Variants in OR9Q1 observed in about 807,000 individuals in gnomAD.
The protein encoded by OR9Q1 is olfactory receptor family 9 subfamily Q member 1.
For missense variants in OR9Q1, 374 were observed against 378.8 expected (o/e 0.99, Z 0.11); for synonymous variants, 153 against 148.6 (o/e 1.03, Z -0.22).
In OR9Q1 at chr11:58,180,535, G is replaced by A. The variant is rs1590630050; in HGVS notation, c.*158G>A. On this transcript the variant is annotated 3_prime_UTR_variant, in exon 3 of 3. Transcript: ENST00000335397. The stretch of plus-strand genomic sequence containing the variant: ...TTTTAGCTCCAGGGAGAGGAAGGAA[G>A]ACAAGGAAAAGTCAACCTGAAAAGA... 2.1e-6 allele frequency: 1 copy of A among 477,468 alleles called. No homozygotes were observed. The highest frequency in any genetic ancestry group is 6.9e-5 in the South Asian group (1 of 14,442). The allele number at this position is 477,468 out of a possible 1,614,324, so 29.6% of individuals were successfully genotyped here.
intron 2 of OR9Q1, among the ~76,000 whole-genome samples, chr11:58,094,293 G>A (rs1459794237): frequency 6.6e-6 from 1 of 152,194 alleles, no homozygotes; most frequent in African/African-American, 2.4e-5. Flanking sequence ...ACTTGGAAGG[G>A]TGGGTGTGGT....
At chr11:58,065,245 A>T (rs1853417775) in intron 2 of OR9Q1, among the ~76,000 whole-genome samples, 1 of 152,216 alleles carries the variant, frequency 6.6e-6, no homozygotes, top group Admixed American at 6.5e-5. Flanking sequence ...GACACAGGTG[A>T]CACAGACACA....
intron 2 of OR9Q1, among the ~76,000 whole-genome samples, chr11:58,126,807 AT>A (rs2119830153): frequency 6.6e-6 from 1 of 152,332 alleles, no homozygotes; most frequent in South Asian, 2.1e-4. Context: ...TAATAAGAAT[AT>A]TCCATTCAAC....
intron 2 of OR9Q1, among the ~76,000 whole-genome samples, chr11:58,101,060 CA>C (rs1418515379): frequency 1.3e-5 from 2 of 151,732 alleles, no homozygotes; most frequent in Non-Finnish European, 2.9e-5. Flanking sequence ...TTAATGGGTA[CA>C]AAAATACAGT....
chr11:58,124,233 A>G (rs1470306279), intron 2 of OR9Q1, among the ~76,000 whole-genome samples: 1 of 152,154 alleles, frequency 6.6e-6, no homozygotes, highest in Non-Finnish European at 1.5e-5. Context: ...ACAGTTTATG[A>G]AAGGGAAAGC....
intron 2 of OR9Q1, among the ~76,000 whole-genome samples, chr11:58,174,037 G>A (rs1388144288): frequency 6.6e-6 from 1 of 152,110 alleles, no homozygotes; most frequent in African/African-American, 2.4e-5. Flanking sequence ...TGAGAGGGTA[G>A]AATAAGAGTA....
intron 2 of OR9Q1, among the ~76,000 whole-genome samples, chr11:58,109,941 C>T (rs1003108480): frequency 6.6e-6 from 1 of 152,120 alleles, no homozygotes; most frequent in Non-Finnish European, 1.5e-5. Context: ...AATGTTAGAC[C>T]ATCAAGACTG....
At chr11:58,120,815 T>A (rs1191203576) in intron 2 of OR9Q1, among the ~76,000 whole-genome samples, 1 of 147,692 alleles carries the variant, frequency 6.8e-6, no homozygotes, top group East Asian at 1.9e-4. Context: ...TATATATATA[T>A]ATATATATAT....
At chr11:58,134,100 G>A (rs921242561) in intron 2 of OR9Q1, among the ~76,000 whole-genome samples, 3 of 152,178 alleles carry the variant, frequency 2.0e-5, no homozygotes, top group Non-Finnish European at 4.4e-5. Context: ...GGAGGTTAGG[G>A]ATGAAAGGGC....
intron 2 of OR9Q1, among the ~76,000 whole-genome samples, chr11:58,095,456 T>C (rs1448904509): frequency 6.6e-6 from 1 of 152,220 alleles, no homozygotes; most frequent in Non-Finnish European, 1.5e-5. Context: ...TATGAAGAAA[T>C]ATTCGAGACT....
chr11:58,177,725 A>C (rs1444125078), intron 2 of OR9Q1, among the ~76,000 whole-genome samples: 1 of 152,216 alleles, frequency 6.6e-6, no homozygotes, highest in Non-Finnish European at 1.5e-5. Context: ...AAACACTTTC[A>C]CAAAAATAAA....
chr11:58,175,228 G>C (rs1271519080), intron 2 of OR9Q1, among the ~76,000 whole-genome samples: 4 of 151,900 alleles, frequency 2.6e-5, no homozygotes, highest in African/African-American at 9.7e-5. Flanking sequence ...TGGGAAAAGA[G>C]AAATACAAAC....
At chr11:58,094,765 T>C (rs1240520387) in intron 2 of OR9Q1, among the ~76,000 whole-genome samples, 1 of 152,210 alleles carries the variant, frequency 6.6e-6, no homozygotes, top group Non-Finnish European at 1.5e-5. Context: ...ATGAACAAAA[T>C]TGCCTTTGAT....
intron 2 of OR9Q1, chr11:58,118,289 G>T: frequency 4.0e-6 from 2 of 502,588 alleles, no homozygotes; most frequent in Non-Finnish European, 7.0e-6. Context: ...CTAAGGAATG[G>T]ATTGAAAGTG....
chr11:58,088,294 G>C (rs1301002371), intron 2 of OR9Q1, among the ~76,000 whole-genome samples: 1 of 151,960 alleles, frequency 6.6e-6, no homozygotes, highest in Admixed American at 6.5e-5. Context: ...GTGTGCATGT[G>C]TCTTTATAGT....
chr11:58,159,315 T>C (rs1854436566), intron 2 of OR9Q1, among the ~76,000 whole-genome samples: 1 of 152,196 alleles, frequency 6.6e-6, no homozygotes. Context: ...CTTGGCTAAA[T>C]ATCAGGATAT....
intron 2 of OR9Q1, among the ~76,000 whole-genome samples, chr11:58,110,775 A>G: frequency 6.6e-6 from 1 of 152,168 alleles, no homozygotes; most frequent in Non-Finnish European, 1.5e-5. Flanking sequence ...TGGTAAAATC[A>G]GTTTTCTATA....
intron 2 of OR9Q1, among the ~76,000 whole-genome samples, chr11:58,089,351 G>GT (rs539286506): frequency 2.0e-5 from 3 of 151,802 alleles, no homozygotes; most frequent in Non-Finnish European, 4.4e-5. Context: ...TCCAGTTTCA[G>GT]TTTTTTGCAT....
intron 2 of OR9Q1, among the ~76,000 whole-genome samples, chr11:58,108,056 A>G (rs1245865118): frequency 1.3e-5 from 2 of 152,202 alleles, no homozygotes; most frequent in African/African-American, 4.8e-5. Flanking sequence ...GAGATTCAGA[A>G]TCTAGAGAAC....
Sources: allele counts gnomAD v4.1 joint callset (sites outside exome capture counted in the v4.1 genomes callset), GRCh38; gene constraint gnomAD v4.1.1; transcripts MANE v1.5; gene names NCBI Gene and HGNC (gene_info 2026-07-23, HGNC 2026-07-21).